The following PBX1 variants were observed in gnomAD, a reference collection of about 807,000 sequenced individuals.
PBX1 encodes the protein pre-B-cell leukemia transcription factor 1.
Under a neutral mutation model 53.4 loss-of-function variants are expected in PBX1, and 6 were observed. That is an observed-to-expected ratio of 0.11 (90% CI 0.06 to 0.22). The LOEUF (loss-of-function observed/expected upper bound fraction) is 0.22. Among genes scored for constraint, PBX1 ranks in the 10% least tolerant of loss-of-function variants. The pLI, the probability that PBX1 is intolerant of heterozygous loss-of-function variation, is 1.00. For synonymous variants in PBX1, 204 were observed against 212.3 expected (o/e 0.96, Z 0.34); for missense variants, 251 against 551.4 (o/e 0.46, Z 5.46).
intron 2 of PBX1, among the ~76,000 whole-genome samples, chr1:164,583,338 T>C (rs1392551207): frequency 1.3e-5 from 2 of 151,730 alleles, no homozygotes; most frequent in Non-Finnish European, 2.9e-5. Context: ...GGAGAGAGGC[T>C]ATTGTCTTGT....
intron 2 of PBX1, among the ~76,000 whole-genome samples, chr1:164,666,651 C>T (rs987584390): frequency 6.6e-6 from 1 of 152,046 alleles, no homozygotes; most frequent in Non-Finnish European, 1.5e-5. Context: ...GTAAATAACA[C>T]CTATGGGCCT....
chr1:164,870,333 CTT>C (rs1238655562), intron 2 of PBX1, among the ~76,000 whole-genome samples: 3 of 105,226 alleles, frequency 2.9e-5, no homozygotes, highest in African/African-American at 1.2e-4. Flanking sequence ...TTCTTTCTTT[CTT>C]TCTTTCTTTC....
At chr1:164,623,288 C>T (rs531886505) in intron 2 of PBX1, among the ~76,000 whole-genome samples, 52 of 152,276 alleles carry the variant, frequency 3.4e-4, no homozygotes, top group South Asian at 8.3e-4. Flanking sequence ...GATAGGGAAT[C>T]GAAGAACGTC....
intron 2 of PBX1, among the ~76,000 whole-genome samples, chr1:164,750,954 G>A (rs1666178739): frequency 6.6e-6 from 1 of 152,086 alleles, no homozygotes; most frequent in African/African-American, 2.4e-5. Context: ...TTTTTAAATA[G>A]GGTCTAGGGA....
intron 2 of PBX1, among the ~76,000 whole-genome samples, chr1:164,672,141 G>C (rs191748656): frequency 1.3e-5 from 2 of 151,716 alleles, no homozygotes; most frequent in Non-Finnish European, 2.9e-5. Flanking sequence ...AACAGTCATG[G>C]AGAGTGATTT....
chr1:164,803,212 G>A (rs1371241328), intron 4 of PBX1, among the ~76,000 whole-genome samples: 3 of 152,084 alleles, frequency 2.0e-5, no homozygotes. Context: ...TGCATATAAA[G>A]GTGGGTCCTA....
chr1:164,867,896 T>C (rs1295050516), intron 2 of PBX1, among the ~76,000 whole-genome samples: 2 of 152,222 alleles, frequency 1.3e-5, no homozygotes, highest in Admixed American at 6.5e-5. Flanking sequence ...AAGAAATCCC[T>C]TCAGTAACAG....
chr1:164,848,684 T>A lies in PBX1; in HGVS notation c.*2008T>A, dbSNP rs535214220. 1.7e-5 allele frequency: 18 copies of A among 1,055,602 alleles called. No homozygotes were observed. In the East Asian group the frequency reaches 9.5e-4, roughly 56 times the overall value. 65.4% of individuals were successfully genotyped at this position (1,055,602 alleles called of 1,614,324 possible). On this transcript the variant is annotated 3_prime_UTR_variant, in exon 9 of 9. Transcript: ENST00000420696. ...TCCCTTAGTTTGCACTTGAACCCAA[T>A]ATGTTGCCTTGTACATACTTGGTCC...
intron 2 of PBX1, among the ~76,000 whole-genome samples, chr1:164,750,223 G>C: frequency 6.6e-6 from 1 of 151,376 alleles, no homozygotes; most frequent in East Asian, 1.9e-4. Flanking sequence ...ATTGCTAACT[G>C]TGTGTTGGCC....
At chr1:164,561,641 T>C (rs1363367584) in intron 1 of PBX1, among the ~76,000 whole-genome samples, 1 of 152,148 alleles carries the variant, frequency 6.6e-6, no homozygotes, top group Non-Finnish European at 1.5e-5. Flanking sequence ...AAGGGGCTAG[T>C]AAGAATAGAT....
chr1:164,690,808 A>G (rs1662427904), intron 2 of PBX1, among the ~76,000 whole-genome samples: 1 of 151,916 alleles, frequency 6.6e-6, no homozygotes, highest in Non-Finnish European at 1.5e-5. Context: ...TTTGATTTTC[A>G]TCAGCATCTG....
At chr1:164,821,501 G>A (rs762905124) in intron 7 of PBX1, 36 bp from the exon 8 acceptor site, 45 of 1,535,046 alleles carry the variant, frequency 2.9e-5, no homozygotes, top group Non-Finnish European at 3.9e-5. Context: ...ACACCTCTCT[G>A]ACTAATTTTC....
chr1:164,761,647 G>A (rs1666821597), intron 2 of PBX1, among the ~76,000 whole-genome samples: 1 of 152,098 alleles, frequency 6.6e-6, no homozygotes, highest in African/African-American at 2.4e-5. Context: ...GTTTCACCGT[G>A]TTAGCCAGGA....
At chr1:164,590,669 G>A (rs1419808667) in intron 2 of PBX1, among the ~76,000 whole-genome samples, 2 of 152,106 alleles carry the variant, frequency 1.3e-5, no homozygotes, top group Non-Finnish European at 2.9e-5. Flanking sequence ...TGGAAGCTTG[G>A]ATGGTTAGAG....
intron 2 of PBX1, among the ~76,000 whole-genome samples, chr1:164,606,211 C>T (rs1656538559): frequency 6.6e-6 from 1 of 152,184 alleles, no homozygotes; most frequent in East Asian, 1.9e-4. Context: ...GCTATATGGC[C>T]AGGTGTGGTG....
intron 2 of PBX1, among the ~76,000 whole-genome samples, chr1:164,872,181 C>T (rs1672398957): frequency 6.6e-6 from 1 of 152,174 alleles, no homozygotes; most frequent in Non-Finnish European, 1.5e-5. Flanking sequence ...GCTTTAAGGG[C>T]ATAGTAAGCA....
At chr1:164,631,697 A>G (rs1454628609) in intron 2 of PBX1, among the ~76,000 whole-genome samples, 1 of 152,260 alleles carries the variant, frequency 6.6e-6, no homozygotes, top group Non-Finnish European at 1.5e-5. Flanking sequence ...AGACAGATGC[A>G]TCCAGATACA....
intron 2 of PBX1, among the ~76,000 whole-genome samples, chr1:164,566,613 G>C (rs1179656297): frequency 6.6e-6 from 1 of 152,088 alleles, no homozygotes; most frequent in Non-Finnish European, 1.5e-5. Context: ...GGGTTGGTGG[G>C]ATAGAAGAAA....
chr1:164,794,851 G>A (rs868094075), intron 3 of PBX1, among the ~76,000 whole-genome samples: 1 of 152,136 alleles, frequency 6.6e-6, no homozygotes, highest in East Asian at 1.9e-4. Flanking sequence ...CAGGACACAA[G>A]ACAAGCCCAG....
Sources: gnomAD v4.1 joint callset for allele counts (sites outside exome capture counted in the v4.1 genomes callset) on GRCh38, gnomAD v4.1.1 for gene constraint, MANE v1.5 for transcripts, NCBI Gene and HGNC (gene_info 2026-07-23, HGNC 2026-07-21) for gene names.